EDIL3: variants seen among roughly 807,000 people sequenced by gnomAD.
The protein encoded by EDIL3 is EGF-like repeat and discoidin I-like domain-containing protein 3.
A neutral mutation model predicts 67.4 loss-of-function variants in EDIL3; 37 were observed. The observed-to-expected ratio is 0.55, with a 90% confidence interval of 0.42 to 0.72. The LOEUF (loss-of-function observed/expected upper bound fraction) is 0.72. Ranked by LOEUF, EDIL3 falls within the 30% of genes least tolerant of loss-of-function variation. The pLI is 0.00. For synonymous variants in EDIL3, 195 were observed against 196.3 expected (o/e 0.99, Z 0.05); for missense variants, 527 against 586.3 (o/e 0.90, Z 1.04).
At chr5:84,091,012 T>C (rs902109688) in intron 6 of EDIL3, among the ~76,000 whole-genome samples, 2 of 151,680 alleles carry the variant, frequency 1.3e-5, no homozygotes, top group Admixed American at 1.3e-4. Context: ...TTACTTAATA[T>C]AGCCTTAAGA....
chr5:83,946,633 T>C (rs1744314218), intron 10 of EDIL3, among the ~76,000 whole-genome samples: 1 of 151,936 alleles, frequency 6.6e-6, no homozygotes, highest in African/African-American at 2.4e-5. Flanking sequence ...ATACATTTTT[T>C]ATAAGACGAG....
chr5:84,104,544 G>C (rs1747424318), intron 6 of EDIL3, among the ~76,000 whole-genome samples: 1 of 151,712 alleles, frequency 6.6e-6, no homozygotes, highest in Non-Finnish European at 1.5e-5. Flanking sequence ...TTATATTTGA[G>C]GTTCTCACTC....
chr5:84,023,481 T>G (rs1291394817), intron 9 of EDIL3, among the ~76,000 whole-genome samples: 1 of 152,020 alleles, frequency 6.6e-6, no homozygotes, highest in Non-Finnish European at 1.5e-5. Flanking sequence ...AACCCTATAA[T>G]GTATTATAGC....
intron 1 of EDIL3, among the ~76,000 whole-genome samples, chr5:84,292,668 T>C (rs984035299): frequency 6.6e-6 from 1 of 152,214 alleles, no homozygotes; most frequent in Non-Finnish European, 1.5e-5. Flanking sequence ...TTGGTTCTCA[T>C]GCTATATACT....
chr5:83,959,235 AC>A (rs1465292038), intron 10 of EDIL3, among the ~76,000 whole-genome samples: 2 of 147,500 alleles, frequency 1.4e-5, no homozygotes, highest in African/African-American at 5.0e-5. Context: ...TAATATATAT[AC>A]GTATATATAT....
At chr5:84,306,792 A>G (rs1746283704) in intron 1 of EDIL3, among the ~76,000 whole-genome samples, 1 of 152,218 alleles carries the variant, frequency 6.6e-6, no homozygotes, top group Admixed American at 6.5e-5. Context: ...ACGGAAAGTC[A>G]CACTTTCCAA....
chr5:84,082,302 T>C lies in EDIL3; in HGVS notation c.652-15696A>G, dbSNP rs1746985102. Among the ~76,000 whole-genome samples the C allele has an allele frequency of 1.3e-5, 2 of 152,270 alleles. 1 individual carries two copies. Among genetic ancestry groups the C allele is most frequent in the African/African-American group, 4.8e-5 (2 of 41,572 alleles). On this transcript the variant is annotated intron_variant, in intron 6 of 10. Coordinates refer to ENST00000296591, the MANE Select transcript of EDIL3 (RefSeq NM_005711.5). Reference sequence around the variant, plus strand: ...TTAAACATCAAGACAAAAACAAATATCACAAATAAAAAGTTAAAAGGTACT... The same window carrying C: ...TTAAACATCAAGACAAAAACAAATACCACAAATAAAAAGTTAAAAGGTACT...
chr5:84,319,494 C>CAAAAAAAAAAAAAAAAAAAAAAAA (rs55738450), intron 1 of EDIL3, among the ~76,000 whole-genome samples: 8 of 42,830 alleles, frequency 1.9e-4, no homozygotes, highest in East Asian at 5.6e-4. Flanking sequence ...CAAAAAACAA[C>CAAAAAAAAAAAAAAAAAAAAAAAA]AAAAAAAAAA....
chr5:84,158,314 A>G (rs1335760738), intron 4 of EDIL3, among the ~76,000 whole-genome samples: 1 of 152,084 alleles, frequency 6.6e-6, no homozygotes, highest in African/African-American at 2.4e-5. Context: ...CAGATATTTT[A>G]AAGAATGGTA....
chr5:84,039,200 C>T (rs1004211362), intron 9 of EDIL3, among the ~76,000 whole-genome samples: 5 of 151,726 alleles, frequency 3.3e-5, no homozygotes, highest in African/African-American at 9.7e-5. Context: ...AAACTGTAGA[C>T]AAAAGATCCC....
chr5:84,008,055 T>A (rs1377733645), intron 9 of EDIL3, among the ~76,000 whole-genome samples: 1 of 152,084 alleles, frequency 6.6e-6, no homozygotes, highest in Non-Finnish European at 1.5e-5. Context: ...ATATTTTCAC[T>A]CATTTGTGGG....
At chr5:84,051,533 C>T (rs1268148032) in intron 9 of EDIL3, among the ~76,000 whole-genome samples, 1 of 152,150 alleles carries the variant, frequency 6.6e-6, no homozygotes, top group Non-Finnish European at 1.5e-5. Flanking sequence ...GAAGTTCGAA[C>T]CCATTGCAAA....
At chr5:84,122,458 C>T (rs140713669) in intron 5 of EDIL3, among the ~76,000 whole-genome samples, 1 of 151,996 alleles carries the variant, frequency 6.6e-6, no homozygotes, top group African/African-American at 2.4e-5. Context: ...GTGTGCTGCA[C>T]CCATTAACTC....
At chr5:84,206,040 G>C (rs1194637256) in intron 3 of EDIL3, among the ~76,000 whole-genome samples, 1 of 151,458 alleles carries the variant, frequency 6.6e-6, no homozygotes, top group Admixed American at 6.6e-5. Context: ...GCTTTCTCTT[G>C]TGGGCATTTA....
intron 3 of EDIL3, among the ~76,000 whole-genome samples, chr5:84,213,875 G>T (rs1248589323): frequency 1.3e-5 from 2 of 152,144 alleles, no homozygotes; most frequent in Non-Finnish European, 2.9e-5. Context: ...AATGAGACAT[G>T]AATAACAATG....
chr5:83,943,696 A>G (rs1280890871), intron 10 of EDIL3, 128 bp from the exon 11 acceptor site: 4 of 1,013,872 alleles, frequency 3.9e-6, no homozygotes, highest in Non-Finnish European at 4.1e-6. Context: ...TTTCTTCAAA[A>G]TATATTGCAG....
intron 1 of EDIL3, among the ~76,000 whole-genome samples, chr5:84,383,572 G>A (rs1238269879): frequency 1.3e-5 from 2 of 152,194 alleles, no homozygotes; most frequent in African/African-American, 2.4e-5. Flanking sequence ...CGCGAGGGGT[G>A]GCTTGCCCCG....
At chr5:84,331,624 C>A (rs1746873581) in intron 1 of EDIL3, among the ~76,000 whole-genome samples, 2 of 152,174 alleles carry the variant, frequency 1.3e-5, no homozygotes, top group South Asian at 4.1e-4. Context: ...GTCAATTAAA[C>A]CTCTTTCCTT....
intron 5 of EDIL3, among the ~76,000 whole-genome samples, chr5:84,110,365 T>C (rs750032709): frequency 6.6e-6 from 1 of 152,126 alleles, no homozygotes; most frequent in Non-Finnish European, 1.5e-5. Flanking sequence ...AATTCAACAG[T>C]TATAAAAACC....
Sources: gnomAD v4.1 joint callset for allele counts (sites outside exome capture counted in the v4.1 genomes callset) on GRCh38, gnomAD v4.1.1 for gene constraint, MANE v1.5 for transcripts, NCBI Gene and HGNC (gene_info 2026-07-23, HGNC 2026-07-21) for gene names.